The following CDC123 variants were observed in gnomAD, a reference collection of about 807,000 sequenced individuals.
The protein encoded by CDC123 is cell division cycle 123.
Under a neutral mutation model 54.4 loss-of-function variants are expected in CDC123, and 37 were observed. The observed-to-expected ratio is 0.68, with a 90% CI of 0.52 to 0.89. CDC123 has a LOEUF of 0.89. CDC123 is among the 40% of genes least tolerant of loss of function. The probability of loss-of-function intolerance (pLI) is 0.00; values close to 1 mark genes in which losing one functional copy is unlikely to be tolerated. For missense variants in CDC123, 361 were observed against 412.1 expected (o/e 0.88, Z 1.07); for synonymous variants, 144 against 136.8 (o/e 1.05, Z -0.37).
intron 6 of CDC123, among the ~76,000 whole-genome samples, chr10:12,220,237 GT>G (rs1293632614): frequency 3.3e-5 from 5 of 152,018 alleles, no homozygotes; most frequent in African/African-American, 9.7e-5. Context: ...TGAGGCTGAT[GT>G]TTTTTTTAAA....
intron 4 of CDC123, among the ~76,000 whole-genome samples, chr10:12,211,207 T>C (rs752473815): frequency 2.7e-5 from 4 of 150,838 alleles, no homozygotes; most frequent in African/African-American, 4.9e-5. Context: ...AAATGATCTA[T>C]TTCTAAAAAT....
intron 2 of CDC123, among the ~76,000 whole-genome samples, chr10:12,208,543 G>C (rs930270162): frequency 6.6e-6 from 1 of 152,166 alleles, no homozygotes; most frequent in Non-Finnish European, 1.5e-5. Context: ...TGACTGCAGG[G>C]AGACAGAGGC....
In CDC123 at chr10:12,210,515, T is replaced by A. The variant is rs150151825; in HGVS notation, c.237+193T>A. On this transcript the variant is annotated intron_variant, in intron 4 of 12. Coordinates refer to ENST00000281141, the MANE Select transcript of CDC123 (RefSeq NM_006023.3). ...TTTAGCAGGCAAACATGATTTGCCCTTTTTCCCTTTGATTGCAAAGGAAAT... is the reference window on the plus strand; with the variant it reads ...TTTAGCAGGCAAACATGATTTGCCCATTTTCCCTTTGATTGCAAAGGAAAT... 2.3e-3 allele frequency among the ~76,000 whole-genome samples: 346 copies of A among 151,936 alleles called. 1 individual carries two copies. Among genetic ancestry groups the A allele is most frequent in the Admixed American group, 3.7e-3 (57 of 15,258 alleles).
At chr10:12,221,901 GA>G (rs1291624444) in intron 6 of CDC123, among the ~76,000 whole-genome samples, 3 of 152,046 alleles carry the variant, frequency 2.0e-5, no homozygotes, top group African/African-American at 7.2e-5. Context: ...TAAAAGTTTG[GA>G]CACCCCTGGT....
At chr10:12,242,732 A>G (rs1315386607) in intron 10 of CDC123, among the ~76,000 whole-genome samples, 2 of 152,140 alleles carry the variant, frequency 1.3e-5, no homozygotes, top group African/African-American at 4.8e-5. Context: ...ACCTGAGATC[A>G]GGAGCTCAAG....
intron 10 of CDC123, among the ~76,000 whole-genome samples, chr10:12,241,640 G>C (rs1397163069): frequency 6.6e-6 from 1 of 151,934 alleles, no homozygotes; most frequent in East Asian, 1.9e-4. Flanking sequence ...TTTTTGTTTT[G>C]TAAATCAGTT....
intron 2 of CDC123, among the ~76,000 whole-genome samples, chr10:12,200,073 G>A (rs529791536): frequency 6.9e-5 from 10 of 145,086 alleles, no homozygotes; most frequent in Admixed American, 2.8e-4. Flanking sequence ...TGGCTGCCTC[G>A]GCCTCCCAAA....
chr10:12,215,626 G>A (rs1230530108), intron 4 of CDC123, 114 bp from the exon 5 acceptor site: 1 of 471,938 alleles, frequency 2.1e-6, no homozygotes, highest in Non-Finnish European at 3.7e-6. Context: ...ATAGTAATTT[G>A]TATTCTAAAT....
At chr10:12,227,530 C>G (rs1444937585) in intron 6 of CDC123, among the ~76,000 whole-genome samples, 1 of 151,338 alleles carries the variant, frequency 6.6e-6, no homozygotes, top group Non-Finnish European at 1.5e-5. Flanking sequence ...CAGAGTCTCA[C>G]TCTATTGCCC....
chr10:12,246,018 C>T (rs529325207), intron 10 of CDC123, 131 bp from the exon 11 acceptor site: 9 of 934,352 alleles, frequency 9.6e-6, no homozygotes, highest in South Asian at 5.1e-5. Flanking sequence ...TGCAGTGAGC[C>T]GTGATCACAC....
intron 2 of CDC123, 103 bp downstream of exon 2, chr10:12,198,879 C>T (rs756764939): frequency 2.9e-6 from 2 of 686,266 alleles, no homozygotes; most frequent in Non-Finnish European, 5.2e-6. Context: ...CTCTTTTTCT[C>T]TCCTAGCCAA....
chr10:12,230,801 A>G, intron 6 of CDC123, 147 bp from the exon 7 acceptor site: 3 of 715,310 alleles, frequency 4.2e-6, no homozygotes, highest in Non-Finnish European at 4.8e-6. Context: ...AATACGGCTC[A>G]GTAAGTGTTC....
Position 12,196,427 on chromosome 10 carries a change from G to GA in CDC123, c.74+109dup. ...TGCAGGCCTTCTAGCGACTGCATGG[G>GA]AGGGAGTGTGTCGAGAGGGAAGTAC... On this transcript the variant is annotated intron_variant, in intron 1 of 12. Coordinates refer to ENST00000281141, the MANE Select transcript of CDC123 (RefSeq NM_006023.3). 2.8e-6 allele frequency: 4 copies of GA among 1,406,862 alleles called. No homozygotes were observed. In the Admixed American group the frequency reaches 5.4e-5, roughly 19 times the overall value. The allele number at this position is 1,406,862 out of a possible 1,614,324, so 87.1% of individuals were successfully genotyped here.
chr10:12,197,619 CGCCCGCCT>C (rs768969188), intron 1 of CDC123, among the ~76,000 whole-genome samples: 5,069 of 151,962 alleles, frequency 0.033, 144 homozygotes, highest in Non-Finnish European at 0.048. Context: ...CCTCGTGATC[CGCCCGCCT>C]CGGCCTCCCA....
Position 12,249,719 on chromosome 10 carries a change from G to A in CDC123, c.984+1G>A, listed in dbSNP as rs1314876609. The A allele has an allele frequency of 6.2e-7, 1 of 1,605,862 alleles. No homozygotes were observed. The highest frequency in any genetic ancestry group is 1.3e-5 in the African/African-American group (1 of 74,588). On this transcript the variant is annotated splice_donor_variant, in intron 12 of 12. Transcript: ENST00000281141. LOFTEE classifies it high-confidence loss of function. ...CAAGCTAATAGACTTCCTTAAGCTG[G>A]TAAAGTCTATGTGCATTTAGTATGC...
chr10:12,218,626 G>A (rs996733388), intron 6 of CDC123, among the ~76,000 whole-genome samples: 2 of 152,112 alleles, frequency 1.3e-5, no homozygotes, highest in Non-Finnish European at 2.9e-5. Context: ...CATTCCCTTA[G>A]TGCTGCGCCT....
At chr10:12,210,372 A>C in intron 4 of CDC123, 50 bp downstream of exon 4, 1 of 1,609,640 alleles carries the variant, frequency 6.2e-7, no homozygotes, top group Non-Finnish European at 8.5e-7. Flanking sequence ...CTGTCACACA[A>C]GGGTTAGCGT....
chr10:12,203,311 AGAATTTAGCACATAGTC>A (rs1835468218), intron 2 of CDC123, among the ~76,000 whole-genome samples: 1 of 152,238 alleles, frequency 6.6e-6, no homozygotes, highest in African/African-American at 2.4e-5. Context: ...GTTTACAGTT[AGAATTTAGCACATAGTC>A]TGGGTTCAAT....
At chr10:12,212,530 C>T (rs996586453) in intron 4 of CDC123, among the ~76,000 whole-genome samples, 1 of 152,230 alleles carries the variant, frequency 6.6e-6, no homozygotes, top group Non-Finnish European at 1.5e-5. Flanking sequence ...AAAAGACTGA[C>T]TATCACTGTG....
Sources: gnomAD v4.1 joint callset for allele counts (sites outside exome capture counted in the v4.1 genomes callset) on GRCh38, gnomAD v4.1.1 for gene constraint, MANE v1.5 for transcripts, NCBI Gene and HGNC (gene_info 2026-07-23, HGNC 2026-07-21) for gene names.